LEPROTL1: variants seen among roughly 807,000 people sequenced by gnomAD.
LEPROTL1 encodes the protein leptin receptor overlapping transcript like 1, also known as leptin receptor overlapping transcript-like 1.
LEPROTL1 carries 6 observed loss-of-function variants against 15.4 expected under a neutral mutation model. The observed-to-expected ratio is 0.39, with a 90% CI of 0.21 to 0.77. The LOEUF (loss-of-function observed/expected upper bound fraction) is 0.77, where lower values mean the gene tolerates loss of function less well. Ranked by LOEUF, LEPROTL1 falls within the 30% of genes least tolerant of loss-of-function variation. The probability of loss-of-function intolerance (pLI) is 0.41; values close to 1 mark genes in which losing one functional copy is unlikely to be tolerated. For missense variants in LEPROTL1, 128 were observed against 158.1 expected (o/e 0.81, Z 1.02); for synonymous variants, 56 against 52.6 (o/e 1.06, Z -0.28).
At chr8:30,131,278 G>A (rs71506507) in intron 3 of LEPROTL1, among the ~76,000 whole-genome samples, 21 of 95,058 alleles carry the variant, frequency 2.2e-4, no homozygotes, top group Non-Finnish European at 4.5e-4. Context: ...ATATGTGTGT[G>A]TATATATATA....
chr8:30,109,923 A>G (rs1435614498), downstream of LEPROTL1, among the ~76,000 whole-genome samples: 1 of 151,946 alleles, frequency 6.6e-6, no homozygotes, highest in East Asian at 1.9e-4. Context: ...GCACCAGATA[A>G]GGGAGGTGTT....
intron 2 of LEPROTL1, among the ~76,000 whole-genome samples, chr8:30,103,066 GGTTTTT>G (rs971623159): frequency 1.6e-4 from 24 of 151,914 alleles, no homozygotes; most frequent in African/African-American, 4.6e-4. Context: ...TTTATTTTTT[GGTTTTT>G]GTTTTTGTTT....
chr8:30,136,033 A>G (rs1221184783), intron 4 of LEPROTL1, among the ~76,000 whole-genome samples: 4 of 152,118 alleles, frequency 2.6e-5, no homozygotes, highest in Non-Finnish European at 5.9e-5. Flanking sequence ...GTGTCTGAAG[A>G]TTTAAGAAAA....
intron 1 of LEPROTL1, chr8:30,095,768 C>T (rs1033260413): frequency 5.7e-6 from 4 of 697,584 alleles, no homozygotes; most frequent in Non-Finnish European, 1.0e-5. Context: ...CCGATTTCGG[C>T]AGCCTCTCTC....
intron 3 of LEPROTL1, among the ~76,000 whole-genome samples, chr8:30,122,545 C>G (rs183028231): frequency 6.6e-6 from 1 of 152,194 alleles, no homozygotes; most frequent in Non-Finnish European, 1.5e-5. Flanking sequence ...AATCCCAACA[C>G]TTTGGGAGGC....
In LEPROTL1 at chr8:30,123,421, CA is replaced by C. The variant is rs1376312137; in HGVS notation, c.280-8952del. Reference sequence around the variant, plus strand: ...CTTTGGAAAATGCAATCTGCCACAACAATATTGAGTATTTCAATCAATGAAC... The same window carrying C: ...CTTTGGAAAATGCAATCTGCCACAACATATTGAGTATTTCAATCAATGAAC... On this transcript the variant is annotated intron_variant, in intron 3 of 4. Coordinates refer to the LEPROTL1 transcript ENST00000442880. 2.0e-5 allele frequency among the ~76,000 whole-genome samples: 3 copies of C among 152,204 alleles called. No homozygotes were observed. In the East Asian group the frequency reaches 5.8e-4, roughly 29 times the overall value.
At chr8:30,125,235 G>A (rs1802887508) in intron 3 of LEPROTL1, among the ~76,000 whole-genome samples, 1 of 152,170 alleles carries the variant, frequency 6.6e-6, no homozygotes, top group Non-Finnish European at 1.5e-5. Context: ...ATTGTCCCTG[G>A]AAACGAGCCA....
chr8:30,096,409 A>G, intron 1 of LEPROTL1: 1 of 985,070 alleles, frequency 1.0e-6, no homozygotes, highest in Non-Finnish European at 1.2e-6. Flanking sequence ...AAGGGCAGTC[A>G]GGCAGGAAGC....
chr8:30,115,004 T>C (rs2117503791), intron 3 of LEPROTL1, among the ~76,000 whole-genome samples: 1 of 152,272 alleles, frequency 6.6e-6, no homozygotes, highest in Non-Finnish European at 1.5e-5. Context: ...CCCTTCTTTA[T>C]ACAACTTTTC....
chr8:30,131,988 A>G (rs141320725), intron 3 of LEPROTL1: 1 of 1,552,048 alleles, frequency 6.4e-7, no homozygotes, highest in South Asian at 1.2e-5. Flanking sequence ...AAAGCAGAAT[A>G]CAGTACACCA....
chr8:30,126,255 C>G (rs974532987), intron 3 of LEPROTL1, among the ~76,000 whole-genome samples: 2 of 152,130 alleles, frequency 1.3e-5, no homozygotes, highest in African/African-American at 4.8e-5. Flanking sequence ...GTAGGCTAGA[C>G]CATCCAGCTT....
At chr8:30,096,978 G>A (rs1417419985) in intron 1 of LEPROTL1, among the ~76,000 whole-genome samples, 2 of 152,178 alleles carry the variant, frequency 1.3e-5, no homozygotes, top group Non-Finnish European at 1.5e-5. Context: ...TAACTCCCAG[G>A]TTAGAGAAGT....
chr8:30,099,588 AAGAC>A (rs1349816890), intron 1 of LEPROTL1, among the ~76,000 whole-genome samples: 16 of 128,798 alleles, frequency 1.2e-4, no homozygotes, highest in Middle Eastern at 3.9e-3. Context: ...GCGACAGCGC[AAGAC>A]TCCATTTAAA....
chr8:30,105,284 T>G (rs1802544524), intron 3 of LEPROTL1, among the ~76,000 whole-genome samples: 1 of 152,202 alleles, frequency 6.6e-6, no homozygotes, highest in African/African-American at 2.4e-5. Context: ...CAAAAGAATG[T>G]ACATGGGTGT....
At chr8:30,117,321 CTTTT>C (rs35882810) in intron 3 of LEPROTL1, 543 of 693,446 alleles carry the variant, frequency 7.8e-4, no homozygotes, top group East Asian at 9.1e-4. Flanking sequence ...GACCCTGTTT[CTTTT>C]TTTTTTTTTT....
At chr8:30,100,081 G>A (rs1802439254) in intron 1 of LEPROTL1, among the ~76,000 whole-genome samples, 1 of 152,184 alleles carries the variant, frequency 6.6e-6, no homozygotes, top group Non-Finnish European at 1.5e-5. Context: ...TTCTTTTCCT[G>A]TAGCTGGAAA....
At chr8:30,134,209 G>T (rs1331181123) in intron 4 of LEPROTL1, among the ~76,000 whole-genome samples, 7 of 152,124 alleles carry the variant, frequency 4.6e-5, no homozygotes, top group Non-Finnish European at 5.9e-5. Context: ...TGGATCACGA[G>T]GTCAAGAGAT....
At chr8:30,102,044 T>G (rs1203093844) in intron 2 of LEPROTL1, 71 bp downstream of exon 2, 8 of 910,492 alleles carry the variant, frequency 8.8e-6, no homozygotes, top group East Asian at 2.6e-5. Flanking sequence ...TAAAAAAATG[T>G]TTTTTTACTA....
rs754436641 is a variant in LEPROTL1, at chr8:30,104,474, C to G, written c.267C>G (p.Ala89=). 1 of 1,597,674 alleles carries G rather than the reference C, an allele frequency of 6.3e-7. No individual in the cohort carries two copies. The highest frequency in any genetic ancestry group is 8.5e-7 in the Non-Finnish European group (1 of 1,172,176). ...VSAFGLPIVF[A]RAHLIEWGAC... is the part of the protein sequence containing the mutation. ...CTTTTGGACTCCCTATTGTATTTGC[C>G]AGAGCACATCTGGTAAGTGAATATA... Residue 89 remains alanine, a synonymous_variant, in exon 3 of 4, where the codon GCC becomes GCG. Transcript: ENST00000321250.
Sources: allele counts gnomAD v4.1 joint callset (sites outside exome capture counted in the v4.1 genomes callset), GRCh38; gene constraint gnomAD v4.1.1; transcripts MANE v1.5; gene names NCBI Gene and HGNC (gene_info 2026-07-23, HGNC 2026-07-21).